PTPN21: variants seen among roughly 807,000 people sequenced by gnomAD.
PTPN21 encodes protein tyrosine phosphatase non-receptor type 21.
PTPN21 carries 77 observed loss-of-function variants against 131.8 expected under a neutral mutation model. That is an observed-to-expected ratio of 0.58 (90% CI 0.49 to 0.71). PTPN21 has a LOEUF of 0.71. Ranked by LOEUF, PTPN21 falls within the 30% of genes least tolerant of loss-of-function variation. PTPN21 has a pLI of 0.00. For missense variants in PTPN21, 1,552 were observed against 1,527.1 expected, an observed-to-expected ratio of 1.02 and a Z score of -0.27; for synonymous variants, 715 against 621.3, an observed-to-expected ratio of 1.15 and a Z score of -2.24.
In PTPN21 at chr14:88,523,178, T is replaced by C. The variant is rs550169851; in HGVS notation, c.181-5917A>G. ...TATAGACCGACATCCCTTGTAAATA[T>C]AGATGCAAAAATCCTAAGCAAATAT... On this transcript the variant is annotated intron_variant, in intron 2 of 18. Coordinates refer to ENST00000556564, the MANE Select transcript of PTPN21 (RefSeq NM_007039.4). Among the ~76,000 whole-genome samples, 4 of 151,986 alleles carry C rather than the reference T, an allele frequency of 2.6e-5. No homozygotes were observed. In the East Asian group the frequency reaches 7.7e-4, roughly 29 times the overall value.
At chr14:88,517,340 C>A in intron 2 of PTPN21, 79 bp from the exon 3 acceptor site, 8 of 1,460,820 alleles carry the variant, frequency 5.5e-6, no homozygotes, top group Non-Finnish European at 7.6e-6. Context: ...TAATCCCTGA[C>A]CTGTGACCAA....
chr14:88,535,852 C>T (rs957158998), intron 2 of PTPN21, among the ~76,000 whole-genome samples: 5 of 152,208 alleles, frequency 3.3e-5, no homozygotes, highest in African/African-American at 9.7e-5. Flanking sequence ...CCCAGAAGCA[C>T]ACATCCTCTC....
rs544718761 is a variant in PTPN21 at position 88,517,710 on chromosome 14, ATG to A, written c.181-451_181-450del. The stretch of plus-strand genomic sequence containing the variant: ...TACATATGTGTGCGTATGTGTATAT[ATG>A]TGTGTATGTGTATATATACTATATA... On this transcript the variant is annotated intron_variant, in intron 2 of 18. Coordinates refer to ENST00000556564, the MANE Select transcript of PTPN21 (RefSeq NM_007039.4). Among the ~76,000 whole-genome samples, 389 of 145,016 alleles carry A rather than the reference ATG, an allele frequency of 2.7e-3. 4 individuals carry two copies. Among genetic ancestry groups the A allele is most frequent in the African/African-American group, 9.4e-3 (370 of 39,164 alleles).
In PTPN21 at chr14:88,468,045, A is replaced by C. The variant is rs947208980; in HGVS notation, c.*92T>G. On this transcript the variant is annotated 3_prime_UTR_variant, in exon 19 of 19. Transcript: ENST00000556564. ...GTCCCAGTGCCACGCTGCGTGGATC[A>C]AGTGTCAACGGGAAAGTATGAGTTA... The C allele has an allele frequency of 6.8e-7, 1 of 1,469,364 alleles. No individual in the cohort carries two copies. Among genetic ancestry groups the C allele is most frequent in the African/African-American group, 1.4e-5 (1 of 70,840 alleles). The allele number at this position is 1,469,364 out of a possible 1,614,324, so 91.0% of individuals were successfully genotyped here.
intron 2 of PTPN21, among the ~76,000 whole-genome samples, chr14:88,519,559 T>C (rs1170716027): frequency 6.6e-6 from 1 of 152,174 alleles, no homozygotes; most frequent in Admixed American, 6.5e-5. Flanking sequence ...GCAATCCTCA[T>C]TCAAGTAAAA....
At chr14:88,511,401 G>A (rs931299955) in intron 3 of PTPN21, among the ~76,000 whole-genome samples, 4 of 152,056 alleles carry the variant, frequency 2.6e-5, no homozygotes, top group Non-Finnish European at 4.4e-5. Flanking sequence ...GGCCTGCTGC[G>A]GTGGCTCATG....
At chr14:88,486,175 T>G (rs1042069185) in intron 10 of PTPN21, among the ~76,000 whole-genome samples, 2 of 152,126 alleles carry the variant, frequency 1.3e-5, no homozygotes, top group African/African-American at 4.8e-5. Context: ...GAGACAAGGC[T>G]ACATCACCCA....
chr14:88,480,198 C>T lies in PTPN21; in HGVS notation c.1233G>A (p.Gln411=). Residue 411 remains glutamine (Q), a synonymous_variant, in exon 13 of 19, where the codon CAG becomes CAA. Transcript: ENST00000556564. ...TAGGGTTGGACGACATCGGCGAGGG[C>T]TGCAAGTAGGGCTGAGGATTATTTA... ...NSLNNPQPYL[Q]PSPMSSNPSI... The T allele has an allele frequency of 1.2e-6, 2 of 1,614,120 alleles. No homozygotes were observed. Among genetic ancestry groups the T allele is most frequent in the African/African-American group, 1.3e-5 (1 of 75,036 alleles).
intron 2 of PTPN21, among the ~76,000 whole-genome samples, chr14:88,536,500 A>C (rs2078633547): frequency 1.3e-5 from 2 of 152,342 alleles, no homozygotes; most frequent in South Asian, 4.1e-4. Context: ...AGCAAAAGAG[A>C]GTTTACAAAT....
Position 88,479,835 on chromosome 14 carries a change from G to A in PTPN21, c.1596C>T (p.Pro532=), listed in dbSNP as rs1173440194. ...SPYPYPAERR[P]VVGAVSVPEL... The stretch of plus-strand genomic sequence containing the variant: ...CCGGCACGCTGACCGCGCCCACCAC[G>A]GGCCGCCGCTCGGCAGGGTAGGGGT... Residue 532 remains proline, a synonymous_variant, in exon 13 of 19, where the codon CCC becomes CCT. Transcript: ENST00000556564. The A allele has an allele frequency of 1.3e-6, 2 of 1,551,774 alleles. No homozygotes were observed. Among genetic ancestry groups the A allele is most frequent in the South Asian group, 1.2e-5 (1 of 82,114 alleles).
chr14:88,528,862 C>T (rs1313902778), intron 2 of PTPN21, among the ~76,000 whole-genome samples: 4 of 152,120 alleles, frequency 2.6e-5, no homozygotes, highest in South Asian at 4.2e-4. Flanking sequence ...ATTCATTTAT[C>T]GATCTAGGAG....
chr14:88,494,955 G>C (rs539938651), intron 10 of PTPN21, among the ~76,000 whole-genome samples: 1 of 137,336 alleles, frequency 7.3e-6, no homozygotes, highest in East Asian at 2.3e-4. Context: ...GGAGGTTGCA[G>C]TGAGCCAAGA....
In PTPN21 at chr14:88,480,167, T is replaced by C; in HGVS notation, c.1264A>G (p.Thr422Ala). ...PSPMSSNPSI[T>A]GSDVMRPDYL... Reference sequence around the variant, plus strand: ...TCAGGCCTCATGACGTCACTCCCGGTGATGCTAGGGTTGGACGACATCGGC... The same window carrying C: ...TCAGGCCTCATGACGTCACTCCCGGCGATGCTAGGGTTGGACGACATCGGC... Residue 422 changes from threonine (T) to alanine (A), a missense_variant, in exon 13 of 19, where the codon ACC becomes GCC. By Grantham distance (58) the Thr-to-Ala change is moderately conservative. This residue lies in a region of PTPN21 where 1,016 missense variants were observed against 883.5 expected (regional missense o/e 1.15). Transcript: ENST00000556564. 6.2e-7 allele frequency: 1 copy of C among 1,614,106 alleles called. No individual in the cohort carries two copies. Among genetic ancestry groups the C allele is most frequent in the Non-Finnish European group, 8.5e-7 (1 of 1,180,004 alleles).
intron 10 of PTPN21, among the ~76,000 whole-genome samples, chr14:88,490,154 G>A (rs1473370256): frequency 2.0e-5 from 3 of 151,890 alleles, no homozygotes; most frequent in South Asian, 2.1e-4. Flanking sequence ...GATTATAGGC[G>A]CCCGCCACCA....
intron 8 of PTPN21, 141 bp downstream of exon 8, chr14:88,500,642 T>G: frequency 3.2e-6 from 2 of 630,936 alleles, no homozygotes; most frequent in South Asian, 4.1e-5. Flanking sequence ...AGATGGTATT[T>G]TTTTCCTAGG....
intron 3 of PTPN21, among the ~76,000 whole-genome samples, chr14:88,511,148 T>C (rs1357535240): frequency 2.0e-5 from 3 of 151,964 alleles, no homozygotes; most frequent in African/African-American, 7.3e-5. Context: ...ACTCCTGAGC[T>C]CAAGCGATCC....
intron 3 of PTPN21, chr14:88,512,232 T>G (rs2078197579): frequency 6.6e-6 from 1 of 152,202 alleles, no homozygotes; most frequent in Admixed American, 6.5e-5. Flanking sequence ...TACATATCCC[T>G]AAAAGGTAAG....
intron 10 of PTPN21, among the ~76,000 whole-genome samples, chr14:88,495,052 T>C: frequency 9.7e-6 from 1 of 103,526 alleles, no homozygotes; most frequent in East Asian, 2.8e-4. Flanking sequence ...AGAGTGTCAG[T>C]GTCAGGATCT....
At chr14:88,526,276 AC>A (rs1470806107) in intron 2 of PTPN21, among the ~76,000 whole-genome samples, 8 of 152,168 alleles carry the variant, frequency 5.3e-5, no homozygotes. Context: ...GTGGCCAGGC[AC>A]GGTGGCTCAC....
Sources: gnomAD v4.1 joint callset for allele counts (sites outside exome capture counted in the v4.1 genomes callset) on GRCh38, gnomAD v4.1.1 for gene constraint, gnomAD v4.1.1 regional missense constraint, MANE v1.5 for transcripts, NCBI Gene and HGNC (gene_info 2026-07-23, HGNC 2026-07-21) for gene names.